Variants in DTD1 observed in about 807,000 individuals in gnomAD.
DTD1 encodes D-aminoacyl-tRNA deacylase 1.
A neutral mutation model predicts 25.6 loss-of-function variants in DTD1; 13 were observed. That is an observed-to-expected ratio of 0.51 (90% CI 0.33 to 0.81). The LOEUF (loss-of-function observed/expected upper bound fraction) is 0.81, where lower values mean the gene tolerates loss of function less well. DTD1 is among the 30% of genes least tolerant of loss of function. DTD1 has a pLI of 0.02. For synonymous variants in DTD1, 110 were observed against 103.6 expected (o/e 1.06, Z -0.37); for missense variants, 193 against 266.4 (o/e 0.72, Z 1.92).
chr20:18,686,581 C>T (rs1487704091), intron 4 of DTD1, among the ~76,000 whole-genome samples: 1 of 151,796 alleles, frequency 6.6e-6, no homozygotes, highest in East Asian at 1.9e-4. Flanking sequence ...GATAAGTGAT[C>T]CAGCTGGAAT....
At chr20:18,619,318 T>C (rs2060723724) in intron 3 of DTD1, among the ~76,000 whole-genome samples, 1 of 152,270 alleles carries the variant, frequency 6.6e-6, no homozygotes, top group South Asian at 2.1e-4. Flanking sequence ...TGTCAATTTT[T>C]TGAAATGTCT....
At chr20:18,648,575 T>C (rs191588450) in intron 4 of DTD1, among the ~76,000 whole-genome samples, 105 of 152,272 alleles carry the variant, frequency 6.9e-4, no homozygotes, top group African/African-American at 2.5e-3. Context: ...AAAAGTACTT[T>C]TAAAGGCACT....
chr20:18,621,869 C>T (rs529770741), intron 3 of DTD1, among the ~76,000 whole-genome samples: 59 of 152,192 alleles, frequency 3.9e-4, no homozygotes, highest in Admixed American at 1.1e-3. Context: ...TCGAGACTAT[C>T]CTGGCTAACA....
chr20:18,634,096 G>C (rs909983292), intron 4 of DTD1, among the ~76,000 whole-genome samples: 2 of 152,224 alleles, frequency 1.3e-5, no homozygotes, highest in African/African-American at 2.4e-5. Flanking sequence ...CACGATTCTG[G>C]TAGGAACATC....
chr20:18,649,326 C>CTTTTTTTTTTTTTTTTTTTTTT lies in DTD1; in HGVS notation c.477+21102_477+21123dup, dbSNP rs55766733. On this transcript the variant is annotated intron_variant, in intron 4 of 5. Transcript: ENST00000377452. Reference sequence around the variant, plus strand: ...TGGGCTTTCTCAGCCATTCATCTTTCTTTTTTTTTTTTTTTTTTTTTTTTT... The same window carrying CTTTTTTTTTTTTTTTTTTTTTT: ...TGGGCTTTCTCAGCCATTCATCTTTCTTTTTTTTTTTTTTTTTTTTTTTTTTTTTTTTTTTTTTTTTTTTTTT... Among the ~76,000 whole-genome samples the CTTTTTTTTTTTTTTTTTTTTTT allele has an allele frequency of 7.5e-4, 43 of 57,650 alleles. 14 individuals carry two copies. The highest frequency in any genetic ancestry group is 3.3e-3 in the East Asian group (5 of 1,504). The allele number at this position is 57,650 out of a possible 152,430, so 37.8% of individuals were successfully genotyped here. A position where few individuals can be genotyped will look rare whatever the true frequency, so the allele number is the denominator to read the frequency against.
intron 4 of DTD1, among the ~76,000 whole-genome samples, chr20:18,716,422 C>G (rs2061180809): frequency 6.6e-6 from 1 of 152,234 alleles, no homozygotes. Flanking sequence ...GGGTCCAACT[C>G]TCACCAGGAG....
chr20:18,677,652 C>T (rs1444560944), intron 4 of DTD1, among the ~76,000 whole-genome samples: 2 of 152,072 alleles, frequency 1.3e-5, no homozygotes, highest in African/African-American at 2.4e-5. Flanking sequence ...AACCTTCCAC[C>T]GATACAGTTT....
At chr20:18,593,876 C>A in intron 2 of DTD1, 55 bp downstream of exon 2, 1 of 1,417,230 alleles carries the variant, frequency 7.1e-7, no homozygotes, top group Non-Finnish European at 9.9e-7. Context: ...GGTGGTCATG[C>A]TGGGAACTTC....
chr20:18,735,503 A>G (rs1426216174), intron 4 of DTD1, among the ~76,000 whole-genome samples: 2 of 152,192 alleles, frequency 1.3e-5, no homozygotes, highest in East Asian at 1.9e-4. Context: ...CCTCATCTCT[A>G]TTGTGTTCAG....
intron 3 of DTD1, among the ~76,000 whole-genome samples, chr20:18,598,267 T>C (rs924413579): frequency 6.6e-6 from 1 of 152,122 alleles, no homozygotes; most frequent in African/African-American, 2.4e-5. Context: ...CTGAGAATGA[T>C]GGTTTCCAGC....
chr20:18,748,027 C>T (rs1174583161), intron 5 of DTD1, among the ~76,000 whole-genome samples: 1 of 151,886 alleles, frequency 6.6e-6, no homozygotes, highest in Non-Finnish European at 1.5e-5. Flanking sequence ...CAAAAACAAA[C>T]AAACAAACGA....
intron 5 of DTD1, among the ~76,000 whole-genome samples, chr20:18,756,839 G>C (rs1452523750): frequency 1.8e-4 from 27 of 152,040 alleles, no homozygotes. Flanking sequence ...GGATGGCATT[G>C]CATCTATAAA....
chr20:18,602,794 C>A (rs1217794429), intron 3 of DTD1, among the ~76,000 whole-genome samples: 1 of 85,222 alleles, frequency 1.2e-5, no homozygotes, highest in African/African-American at 4.3e-5. Context: ...TGGAAAGGAA[C>A]AACTGGTACC....
intron 4 of DTD1, among the ~76,000 whole-genome samples, chr20:18,657,108 G>T (rs2122364278): frequency 6.6e-6 from 1 of 152,134 alleles, no homozygotes; most frequent in African/African-American, 2.4e-5. Context: ...TTTGTCAAAG[G>T]CAATACTATT....
intron 4 of DTD1, among the ~76,000 whole-genome samples, chr20:18,678,005 TA>T (rs1204743303): frequency 1.3e-5 from 2 of 152,238 alleles, no homozygotes; most frequent in Non-Finnish European, 1.5e-5. Flanking sequence ...TCTTGCGGGA[TA>T]AATTAGAAAT....
At chr20:18,625,881 G>T (rs2060755465) in intron 3 of DTD1, among the ~76,000 whole-genome samples, 1 of 152,208 alleles carries the variant, frequency 6.6e-6, no homozygotes, top group African/African-American at 2.4e-5. Flanking sequence ...TTACTGTCTA[G>T]TGCCCATGTC....
chr20:18,728,416 C>T (rs963037860), intron 4 of DTD1, among the ~76,000 whole-genome samples: 4 of 152,168 alleles, frequency 2.6e-5, no homozygotes, highest in Non-Finnish European at 5.9e-5. Context: ...CCCAGCGCTT[C>T]CTAAAGTTCA....
chr20:18,733,217 T>G (rs2061244623), intron 4 of DTD1, among the ~76,000 whole-genome samples: 1 of 152,176 alleles, frequency 6.6e-6, no homozygotes, highest in Non-Finnish European at 1.5e-5. Context: ...GCACCCCATG[T>G]CTCATTTCTC....
chr20:18,760,397 G>A (rs1250249339), intron 5 of DTD1, among the ~76,000 whole-genome samples: 1 of 152,164 alleles, frequency 6.6e-6, no homozygotes, highest in South Asian at 2.1e-4. Flanking sequence ...TGATGGTGAC[G>A]TACAGATAGG....
Sources: gnomAD v4.1 joint callset for allele counts (sites outside exome capture counted in the v4.1 genomes callset) on GRCh38, gnomAD v4.1.1 for gene constraint, MANE v1.5 for transcripts, NCBI Gene and HGNC (gene_info 2026-07-23, HGNC 2026-07-21) for gene names.